Variants in FAM20B observed in about 807,000 individuals in gnomAD.
The protein encoded by FAM20B is glycosaminoglycan xylosylkinase.
A neutral mutation model predicts 43.8 loss-of-function variants in FAM20B; 23 were observed. That is an observed-to-expected ratio of 0.53 (90% CI 0.38 to 0.74). The LOEUF (loss-of-function observed/expected upper bound fraction) is 0.74. Ranked by LOEUF, FAM20B falls within the 30% of genes least tolerant of loss-of-function variation. FAM20B has a pLI of 0.00. For synonymous variants in FAM20B, 178 were observed against 192.4 expected, an observed-to-expected ratio of 0.93 and a Z score of 0.62; for missense variants, 440 against 510.5, an observed-to-expected ratio of 0.86 and a Z score of 1.33.
upstream of FAM20B, chr1:179,025,726 G>C (rs911779113): frequency 2.0e-5 from 3 of 151,844 alleles, no homozygotes; most frequent in Non-Finnish European, 4.4e-5. Flanking sequence ...GAGTTAAGCG[G>C]ACGGGCCCGG....
chr1:179,034,217 C>T (rs1650125646), intron 1 of FAM20B, among the ~76,000 whole-genome samples: 1 of 152,178 alleles, frequency 6.6e-6, no homozygotes, highest in Non-Finnish European at 1.5e-5. Flanking sequence ...GTAGTCTTAG[C>T]TTGAGCTTCT....
chr1:179,046,888 C>T (rs1650795797), intron 2 of FAM20B, among the ~76,000 whole-genome samples: 2 of 151,710 alleles, frequency 1.3e-5, no homozygotes, highest in South Asian at 4.2e-4. Flanking sequence ...CCCAGCTACT[C>T]GGAAGGCTGA....
At chr1:179,030,508 A>G (rs193212737) in intron 1 of FAM20B, among the ~76,000 whole-genome samples, 1 of 152,332 alleles carries the variant, frequency 6.6e-6, no homozygotes, top group Non-Finnish European at 1.5e-5. Flanking sequence ...CAGGTTGGCA[A>G]TAGCAGTGGC....
At chr1:179,045,454 T>G (rs1014356168) in intron 2 of FAM20B, among the ~76,000 whole-genome samples, 1 of 152,204 alleles carries the variant, frequency 6.6e-6, no homozygotes, top group Admixed American at 6.5e-5. Flanking sequence ...CAACTCCCTT[T>G]CTTACCCAAC....
chr1:179,045,963 A>G (rs573373952), intron 2 of FAM20B, among the ~76,000 whole-genome samples: 2 of 152,206 alleles, frequency 1.3e-5, no homozygotes, highest in South Asian at 4.2e-4. Flanking sequence ...TGTAATGCAC[A>G]CTATTTGCCA....
In FAM20B at chr1:179,064,440, G is replaced by C. The variant is rs368337159; in HGVS notation, c.882G>C (p.Glu294Asp). The change falls in exon 6 of 8, where the codon GAG (glutamate) becomes GAC (aspartate). Residue 294 changes from glutamate to aspartate, a missense_variant. Transcript: ENST00000263733. ...GCAATGCTGACCGCCATCACTATGA[G>C]AGCTTTCAAGATGATGAAGGCGCTA... ...LIGNADRHHY[E>D]SFQDDEGASM... 1.2e-6 allele frequency: 2 copies of C among 1,614,162 alleles called. No homozygotes were observed. Among genetic ancestry groups the C allele is most frequent in the Non-Finnish European group, 1.7e-6 (2 of 1,180,004 alleles).
At chr1:179,037,886 G>C (rs1053337342) in intron 1 of FAM20B, among the ~76,000 whole-genome samples, 2 of 152,120 alleles carry the variant, frequency 1.3e-5, no homozygotes, top group Non-Finnish European at 1.5e-5. Flanking sequence ...AAAAGGAGAA[G>C]TTTTGAAATA....
At chr1:179,018,950 G>T in the FAM20B span, among the ~76,000 whole-genome samples, 2 of 152,188 alleles carry the variant, frequency 1.3e-5, no homozygotes, top group Non-Finnish European at 2.9e-5. Context: ...GTCCAGATCT[G>T]AAGGCCTGAG....
chr1:179,039,172 A>G (rs371939795), intron 1 of FAM20B, among the ~76,000 whole-genome samples: 3 of 152,184 alleles, frequency 2.0e-5, no homozygotes, highest in East Asian at 1.9e-4. Context: ...TCTTCTTGTC[A>G]TCTTTGTCTT....
Position 179,075,696 on chromosome 1 carries a change from G to A in FAM20B, c.*3552G>A, listed in dbSNP as rs2102535367. On this transcript the variant is annotated 3_prime_UTR_variant, in exon 8 of 8. Transcript: ENST00000263733. Reference sequence around the variant, plus strand: ...AATTGCATATTATTTTGGGAAAGATGAGTCCTATACGTGGCAATTTTTCAA... The same window carrying A: ...AATTGCATATTATTTTGGGAAAGATAAGTCCTATACGTGGCAATTTTTCAA... 6.6e-6 allele frequency: 1 copy of A among 152,548 alleles called. No homozygotes were observed. Among genetic ancestry groups the A allele is most frequent in the Non-Finnish European group, 1.5e-5 (1 of 68,012 alleles). 9.4% of individuals were successfully genotyped at this position (152,548 alleles called of 1,614,324 possible).
Position 179,064,510 on chromosome 1 carries a change from G to A in FAM20B, c.938+14G>A. 6.3e-7 allele frequency: 1 copy of A among 1,598,918 alleles called. No individual in the cohort carries two copies. The highest frequency in any genetic ancestry group is 8.6e-7 in the Non-Finnish European group (1 of 1,167,880). On this transcript the variant is annotated intron_variant, in intron 6 of 7. Transcript: ENST00000263733. ...TAATGCCAAAAGGTGAGACCAGCAGGACTGTCCTTGTCAGGGAGGGGTTTC... is the reference window on the plus strand; with the variant it reads ...TAATGCCAAAAGGTGAGACCAGCAGAACTGTCCTTGTCAGGGAGGGGTTTC...
upstream of FAM20B, among the ~76,000 whole-genome samples, chr1:179,025,370 C>T (rs1649709492): frequency 6.6e-6 from 1 of 152,186 alleles, no homozygotes; most frequent in Admixed American, 6.5e-5. Flanking sequence ...GAGCCATTTG[C>T]ACTCAGTGTG....
At chr1:179,040,818 C>A (rs1650476004) in intron 1 of FAM20B, among the ~76,000 whole-genome samples, 1 of 151,296 alleles carries the variant, frequency 6.6e-6, no homozygotes, top group African/African-American at 2.4e-5. Flanking sequence ...ACTTCCCAGA[C>A]AGGGTGGCTG....
intron 1 of FAM20B, among the ~76,000 whole-genome samples, chr1:179,041,744 G>A (rs924907533): frequency 5.9e-5 from 9 of 151,766 alleles, no homozygotes; most frequent in African/African-American, 9.7e-5. Context: ...AGAGGGAGAC[G>A]GGCAGGGAAA....
chr1:179,044,227 A>G lies in FAM20B; in HGVS notation c.377+3A>G. 6.3e-7 allele frequency: 1 copy of G among 1,597,410 alleles called. No homozygotes were observed. Among genetic ancestry groups the G allele is most frequent in the Non-Finnish European group, 8.5e-7 (1 of 1,170,188 alleles). On this transcript the variant is annotated splice_donor_region_variant and intron_variant, in intron 2 of 7. Coordinates refer to ENST00000263733, the MANE Select transcript of FAM20B (RefSeq NM_014864.4). ...AAAGTTGTTTTCAAACCTAAGCGGT[A>G]AGTTTTGATCTTGGAAGCTGCATGT...
At chr1:179,036,804 C>T (rs1234465339) in intron 1 of FAM20B, among the ~76,000 whole-genome samples, 4 of 151,878 alleles carry the variant, frequency 2.6e-5, no homozygotes, top group Non-Finnish European at 5.9e-5. Flanking sequence ...AAGTACTGGC[C>T]GAAAGGAGGG....
intron 4 of FAM20B, among the ~76,000 whole-genome samples, chr1:179,059,213 T>A (rs1393344496): frequency 1.3e-5 from 2 of 152,184 alleles, no homozygotes; most frequent in Non-Finnish European, 1.5e-5. Flanking sequence ...ATCCAGGAAA[T>A]AGAGGTTCAG....
At chr1:179,022,470 G>A (rs368228101), upstream of FAM20B, among the ~76,000 whole-genome samples, 35 of 152,204 alleles carry the variant, frequency 2.3e-4, no homozygotes, top group South Asian at 2.1e-3. Context: ...GTGCGCGCGC[G>A]CGTGTATGCA....
At position 179,072,264 on chromosome 1, in the gene FAM20B, G is replaced by C; in HGVS notation, c.*120G>C. 1.4e-6 allele frequency: 1 copy of C among 733,028 alleles called. No individual in the cohort carries two copies. The highest frequency in any genetic ancestry group is 2.2e-6 in the Non-Finnish European group (1 of 445,710). The allele number at this position is 733,028 out of a possible 1,614,324, so 45.4% of individuals were successfully genotyped here. ...CAGCAAGTTCTGGTGACGGGACAGA[G>C]TGGCCTTGGATGTCTTTGGTATTTT... is the stretch of plus-strand genomic sequence containing the variant. On this transcript the variant is annotated 3_prime_UTR_variant, in exon 8 of 8. Coordinates refer to ENST00000263733, the MANE Select transcript of FAM20B (RefSeq NM_014864.4).
Sources: allele counts gnomAD v4.1 joint callset (sites outside exome capture counted in the v4.1 genomes callset), GRCh38; gene constraint gnomAD v4.1.1; transcripts MANE v1.5; gene names NCBI Gene and HGNC (gene_info 2026-07-23, HGNC 2026-07-21).